Variants in DHRS4 observed in about 807,000 individuals in gnomAD.
DHRS4 encodes dehydrogenase/reductase 4, also known as dehydrogenase/reductase SDR family member 4.
A neutral mutation model predicts 28.4 loss-of-function variants in DHRS4; 20 were observed. That is an observed-to-expected ratio of 0.71 (90% CI 0.50 to 1.02). The LOEUF (loss-of-function observed/expected upper bound fraction) is 1.02. Ranked by LOEUF, DHRS4 falls within the 50% of genes least tolerant of loss-of-function variation. The probability of loss-of-function intolerance (pLI) is 0.00; values close to 1 mark genes in which losing one functional copy is unlikely to be tolerated. For synonymous variants in DHRS4, 144 were observed against 146.4 expected (o/e 0.98, Z 0.12); for missense variants, 378 against 367.2 (o/e 1.03, Z -0.24).
chr14:23,959,312 C>T (rs144326373), intron 2 of DHRS4, among the ~76,000 whole-genome samples: 2 of 152,198 alleles, frequency 1.3e-5, no homozygotes, highest in Non-Finnish European at 2.9e-5. Context: ...GCCTGTAACA[C>T]TTTAGGATAC....
chr14:23,959,595 A>G (rs2033322271), intron 2 of DHRS4, among the ~76,000 whole-genome samples: 1 of 152,028 alleles, frequency 6.6e-6, no homozygotes, highest in Non-Finnish European at 1.5e-5. Context: ...TTAGCGGCAG[A>G]TCTTAGGGTA....
intron 2 of DHRS4, among the ~76,000 whole-genome samples, chr14:23,956,137 T>C (rs1257558620): frequency 2.0e-5 from 3 of 152,198 alleles, no homozygotes; most frequent in African/African-American, 7.2e-5. Flanking sequence ...TGCTCAAATG[T>C]GCATTGGAAA....
At chr14:23,954,978 C>A (rs1450198168) in intron 1 of DHRS4, 57 bp from the exon 2 acceptor site, 18 of 1,606,044 alleles carry the variant, frequency 1.1e-5, no homozygotes, top group Non-Finnish European at 1.5e-5. Context: ...AGAGCTCATA[C>A]TGTCGACCTC....
chr14:23,964,417 G>A (rs1458172821), intron 3 of DHRS4, among the ~76,000 whole-genome samples: 2 of 144,510 alleles, frequency 1.4e-5, no homozygotes, highest in Non-Finnish European at 3.0e-5. Context: ...GATAATTGAG[G>A]CCAATATGTT....
At chr14:23,960,061 A>C in intron 3 of DHRS4, 58 bp downstream of exon 3, 2 of 1,510,216 alleles carry the variant, frequency 1.3e-6, no homozygotes, top group East Asian at 2.3e-5. Context: ...CATTCAGCAC[A>C]AACTCCATCT....
At chr14:23,959,348 A>T (rs1362527090) in intron 2 of DHRS4, among the ~76,000 whole-genome samples, 6 of 152,188 alleles carry the variant, frequency 3.9e-5, no homozygotes, top group Non-Finnish European at 7.4e-5. Context: ...GCTTGAGCCC[A>T]GGAGTTCCAG....
intron 2 of DHRS4, among the ~76,000 whole-genome samples, chr14:23,957,166 C>T (rs532107208): frequency 3.9e-4 from 59 of 152,078 alleles, no homozygotes; most frequent in Non-Finnish European, 6.2e-4. Context: ...AAGAGACATT[C>T]AGTGGAAACG....
At position 23,953,784 on chromosome 14, in the gene DHRS4, G is replaced by C. The variant is rs547685214; in HGVS notation, c.-5G>C. 21 of 1,614,024 alleles carry C rather than the reference G, an allele frequency of 1.3e-5. No individual in the cohort carries two copies. The East Asian group carries it at 4.0e-4, about 31-fold the overall frequency. On this transcript the variant is annotated 5_prime_UTR_variant, in exon 1 of 8. Coordinates refer to ENST00000313250, the MANE Select transcript of DHRS4 (RefSeq NM_021004.4). ...GAGTGGAACCCATACTTGCTGGTCT[G>C]ATCCATGCACAAGGCGGGGCTGCTA...
chr14:23,966,114 C>A (rs533583799), intron 5 of DHRS4, 131 bp downstream of exon 5: 2 of 1,592,254 alleles, frequency 1.3e-6, no homozygotes, highest in African/African-American at 2.7e-5. Flanking sequence ...AAAATAGATG[C>A]CTTGCCTCCA....
At chr14:23,956,598 C>CT (rs1566469327) in intron 2 of DHRS4, among the ~76,000 whole-genome samples, 3,069 of 126,924 alleles carry the variant, frequency 0.024, 212 homozygotes, top group African/African-American at 0.12. Flanking sequence ...GCCTCCATAT[C>CT]CTTTTTTTTT....
At chr14:23,958,374 G>A (rs1187146754) in intron 2 of DHRS4, among the ~76,000 whole-genome samples, 2 of 152,168 alleles carry the variant, frequency 1.3e-5, no homozygotes, top group East Asian at 1.9e-4. Flanking sequence ...GAGGGCCCGT[G>A]TACTGCAACT....
At chr14:23,957,351 C>A (rs1040989877) in intron 2 of DHRS4, among the ~76,000 whole-genome samples, 1 of 150,986 alleles carries the variant, frequency 6.6e-6, no homozygotes, top group Admixed American at 6.6e-5. Context: ...AGCCACTTTC[C>A]TGAGAATGGA....
chr14:23,967,605 A>AAC, intron 7 of DHRS4: 1 of 460,210 alleles, frequency 2.2e-6, no homozygotes, highest in East Asian at 4.5e-5. Flanking sequence ...CCCCTTGAAT[A>AAC]ATGACACATG....
Position 23,968,788 on chromosome 14 carries a change from G to A in DHRS4, c.754G>A (p.Val252Met), listed in dbSNP as rs748632968. 4.4e-6 allele frequency: 7 copies of A among 1,607,220 alleles called. No homozygotes were observed. The highest frequency in any genetic ancestry group is 2.7e-5 in the African/African-American group (2 of 74,602). The change falls in exon 8 of 8, where the codon GTG becomes ATG. Residue 252 changes from valine to methionine, a missense_variant. By Grantham distance (21) the Val-to-Met change is conservative. Transcript: ENST00000313250. ...CGAGCCAGAGGATTGTGCTGGCATC[G>A]TGTCTTTCCTGTGCTCTGAAGATGC... Reference protein sequence around the residue: ...LGEPEDCAGIVSFLCSEDASY... With the variant: ...LGEPEDCAGIMSFLCSEDASY...
intron 1 of DHRS4, 107 bp downstream of exon 1, chr14:23,954,023 A>G (rs770725362): frequency 5.4e-6 from 8 of 1,486,816 alleles, no homozygotes; most frequent in Non-Finnish European, 7.2e-6. Flanking sequence ...ACACGCTGCC[A>G]AAGTCTGGCC....
In DHRS4 at chr14:23,960,035, G is replaced by T. The variant is rs745696445; in HGVS notation, c.408+32G>T. ...GGGGATTAAAGCAGGGGGGCCGGGG[G>T]GGGCGCCTTGGAACACATTCAGCAC... is the stretch of plus-strand genomic sequence containing the variant. On this transcript the variant is annotated intron_variant, in intron 3 of 7. Coordinates refer to ENST00000313250, the MANE Select transcript of DHRS4 (RefSeq NM_021004.4). 8.6e-5 allele frequency: 136 copies of T among 1,584,520 alleles called. 2 individuals carry two copies. In the South Asian group the frequency reaches 1.4e-3, roughly 16 times the overall value.
At chr14:23,966,525 C>A (rs1333845553) in intron 6 of DHRS4, 108 bp downstream of exon 6, 1 of 1,546,974 alleles carries the variant, frequency 6.5e-7, no homozygotes, top group African/African-American at 1.4e-5. Context: ...ACTCCATTCT[C>A]CTTCCCTGGA....
At chr14:23,964,024 GT>G (rs1315293496) in intron 3 of DHRS4, among the ~76,000 whole-genome samples, 11 of 150,956 alleles carry the variant, frequency 7.3e-5, no homozygotes, top group Middle Eastern at 3.4e-3. Context: ...TCTGGGTGTG[GT>G]TTGTGGTACC....
intron 3 of DHRS4, among the ~76,000 whole-genome samples, chr14:23,964,646 A>G (rs2033550917): frequency 7.3e-6 from 1 of 136,902 alleles, no homozygotes; most frequent in East Asian, 2.1e-4. Flanking sequence ...GTGCTATCTC[A>G]GCTCACTGCA....
Sources: gnomAD v4.1 joint callset for allele counts (sites outside exome capture counted in the v4.1 genomes callset) on GRCh38, gnomAD v4.1.1 for gene constraint, MANE v1.5 for transcripts, NCBI Gene and HGNC (gene_info 2026-07-23, HGNC 2026-07-21) for gene names.